TFEC: variants seen among roughly 807,000 people sequenced by gnomAD.
TFEC encodes the protein class E basic helix-loop-helix protein 34.
Under a neutral mutation model 41.6 loss-of-function variants are expected in TFEC, and 31 were observed. That is an observed-to-expected ratio of 0.74 (90% CI 0.56 to 1.01). TFEC has a LOEUF of 1.01. Ranked by LOEUF, TFEC falls within the 50% of genes least tolerant of loss-of-function variation. The probability of loss-of-function intolerance (pLI) is 0.00; values close to 1 mark genes in which losing one functional copy is unlikely to be tolerated. For missense variants in TFEC, 402 were observed against 404.1 expected (o/e 0.99, Z 0.04); for synonymous variants, 143 against 140.6 (o/e 1.02, Z -0.12).
intron 1 of TFEC, among the ~76,000 whole-genome samples, chr7:116,112,679 T>C (rs968798298): frequency 3.3e-5 from 5 of 151,766 alleles, no homozygotes; most frequent in African/African-American, 9.7e-5. Flanking sequence ...GATATATGTA[T>C]AGAAAAAAAG....
intron 1 of TFEC, among the ~76,000 whole-genome samples, chr7:116,001,318 C>T (rs1794585103): frequency 6.6e-6 from 1 of 151,872 alleles, no homozygotes; most frequent in Admixed American, 6.6e-5. Flanking sequence ...TGGATTGAGA[C>T]TTAAACCTAT....
chr7:115,956,708 C>T lies in TFEC; in HGVS notation c.353G>A (p.Ser118Asn). ...AATTTCTCTTTTCATTGGTAGACTA[C>T]TTGGACAAGAAGCACTTGTAAGCCC... ...NMGLTSASCP[S>N]SLPMKREITE... The change falls in exon 4 of 8, where the codon AGT becomes AAT. Residue 118 changes from serine to asparagine, a missense_variant. Transcript: ENST00000265440. The T allele has an allele frequency of 4.3e-6, 7 of 1,609,360 alleles. No homozygotes were observed. Among genetic ancestry groups the T allele is most frequent in the Non-Finnish European group, 5.9e-6 (7 of 1,177,428 alleles).
At chr7:116,142,231 A>C (rs1798554966) in intron 1 of TFEC, among the ~76,000 whole-genome samples, 1 of 152,218 alleles carries the variant, frequency 6.6e-6, no homozygotes, top group African/African-American at 2.4e-5. Context: ...ACTCCCAAAC[A>C]ATTAGATTTA....
intron 3 of TFEC, among the ~76,000 whole-genome samples, chr7:116,081,726 C>T (rs76925046): frequency 0.16 from 23,736 of 152,064 alleles, 2,016 homozygotes; most frequent in East Asian, 0.33. Flanking sequence ...AACCTGACTC[C>T]ACACAATGTA....
At position 115,984,198 on chromosome 7, in the gene TFEC, T is replaced by A. The variant is rs558914822; in HGVS notation, c.180+64A>T. The stretch of plus-strand genomic sequence containing the variant: ...GTTTACTGTAAAATGTTGACTTCAA[T>A]TACTTTAATAGAGGTTTTTTCAAAA... On this transcript the variant is annotated intron_variant, in intron 2 of 7. Coordinates refer to ENST00000265440, the MANE Select transcript of TFEC (RefSeq NM_012252.4). 9.6e-6 allele frequency: 15 copies of A among 1,558,430 alleles called. No individual in the cohort carries two copies. In the African/African-American group the frequency reaches 1.8e-4, roughly 18 times the overall value.
At chr7:116,068,170 GAAGC>G (rs1796738800) in intron 3 of TFEC, among the ~76,000 whole-genome samples, 1 of 151,862 alleles carries the variant, frequency 6.6e-6, no homozygotes, top group South Asian at 2.1e-4. Context: ...AAGCAAAGTT[GAAGC>G]AATATGTTTT....
At chr7:116,073,180 T>C (rs77347084) in intron 3 of TFEC, among the ~76,000 whole-genome samples, 8,494 of 151,442 alleles carry the variant, frequency 0.056, 340 homozygotes, top group African/African-American at 0.12. Context: ...CTAATAAATT[T>C]CCATAAGTAA....
At chr7:116,117,982 G>A (rs11976241) in intron 1 of TFEC, among the ~76,000 whole-genome samples, 91 of 151,826 alleles carry the variant, frequency 6.0e-4, no homozygotes, top group Non-Finnish European at 1.1e-3. Flanking sequence ...TCTCAGTTGA[G>A]GGAAAAAGAA....
rs1290416536 is a variant in TFEC at position 115,940,041 on chromosome 7, A to G, written c.*510T>C. The G allele has an allele frequency of 6.6e-6, 1 of 152,148 alleles. No homozygotes were observed. Among genetic ancestry groups the G allele is most frequent in the Non-Finnish European group, 1.5e-5 (1 of 68,060 alleles). 9.4% of individuals were successfully genotyped at this position (152,148 alleles called of 1,614,324 possible). A position where few individuals can be genotyped will look rare whatever the true frequency, so the allele number is the denominator to read the frequency against. Reference sequence around the variant, plus strand: ...ACAAGTGACAGATAATCTATTATACATTTATTTATCCTATAAAGTTTGAAC... The same window carrying G: ...ACAAGTGACAGATAATCTATTATACGTTTATTTATCCTATAAAGTTTGAAC... On this transcript the variant is annotated 3_prime_UTR_variant, in exon 8 of 8. Coordinates refer to ENST00000265440, the MANE Select transcript of TFEC (RefSeq NM_012252.4).
At chr7:116,048,771 A>C (rs1341554863) in intron 3 of TFEC, among the ~76,000 whole-genome samples, 1 of 152,232 alleles carries the variant, frequency 6.6e-6, no homozygotes, top group Non-Finnish European at 1.5e-5. Context: ...CATCAGACTA[A>C]CAGTGGATCT....
At chr7:115,968,937 T>G (rs1404828654) in intron 3 of TFEC, among the ~76,000 whole-genome samples, 1 of 151,916 alleles carries the variant, frequency 6.6e-6, no homozygotes, top group African/African-American at 2.4e-5. Context: ...TGAAATTAAA[T>G]GTAGTTTTTC....
intron 1 of TFEC, among the ~76,000 whole-genome samples, chr7:116,024,715 G>A (rs1046192350): frequency 7.9e-5 from 12 of 151,838 alleles, no homozygotes; most frequent in Admixed American, 7.2e-4. Flanking sequence ...CAGCATTCAG[G>A]GTCTCACTTT....
At position 115,940,060 on chromosome 7, in the gene TFEC, T is replaced by C. The variant is rs981989786; in HGVS notation, c.*491A>G. On this transcript the variant is annotated 3_prime_UTR_variant, in exon 8 of 8. Transcript: ENST00000265440. ...TTATACATTTATTTATCCTATAAAGTTTGAACTTTAGACATGTCTACTAGA... is the reference window on the plus strand; with the variant it reads ...TTATACATTTATTTATCCTATAAAGCTTGAACTTTAGACATGTCTACTAGA... 1 of 152,218 alleles carries C rather than the reference T, an allele frequency of 6.6e-6. No homozygotes were observed. Among genetic ancestry groups the C allele is most frequent in the Non-Finnish European group, 1.5e-5 (1 of 68,112 alleles). The allele number at this position is 152,218 out of a possible 1,614,324, so 9.4% of individuals were successfully genotyped here. A position where few individuals can be genotyped will look rare whatever the true frequency, so the allele number is the denominator to read the frequency against.
intron 1 of TFEC, among the ~76,000 whole-genome samples, chr7:116,115,775 G>C (rs1048096834): frequency 6.6e-6 from 1 of 152,014 alleles, no homozygotes; most frequent in African/African-American, 2.4e-5. Context: ...ATTATAGGGA[G>C]AGAATATAGT....
intron 1 of TFEC, chr7:116,159,660 GTAAGT>G (rs930417507): frequency 1.3e-5 from 2 of 152,194 alleles, no homozygotes; most frequent in Admixed American, 6.5e-5. Context: ...TTGAGCTAAT[GTAAGT>G]TAAAAGTTAA....
chr7:115,968,410 C>A, intron 3 of TFEC: 2 of 923,168 alleles, frequency 2.2e-6, no homozygotes, highest in Non-Finnish European at 3.0e-6. Flanking sequence ...TTTCAAGTTC[C>A]AACCAAGCAC....
chr7:115,975,377 C>G (rs1793334448), intron 2 of TFEC, among the ~76,000 whole-genome samples: 1 of 152,024 alleles, frequency 6.6e-6, no homozygotes, highest in African/African-American at 2.4e-5. Flanking sequence ...TATGCAGATA[C>G]AGTCAGGAGT....
intron 1 of TFEC, among the ~76,000 whole-genome samples, chr7:116,024,179 A>G (rs1795502570): frequency 6.6e-6 from 1 of 152,124 alleles, no homozygotes; most frequent in South Asian, 2.1e-4. Flanking sequence ...CAAATCTAAT[A>G]CAGTCAAAGG....
intron 3 of TFEC, among the ~76,000 whole-genome samples, chr7:115,972,818 T>C (rs780436927): frequency 2.0e-5 from 3 of 152,124 alleles, no homozygotes; most frequent in Admixed American, 1.3e-4. Flanking sequence ...ACAAAACAAG[T>C]AGATAATTTG....
Sources: allele counts gnomAD v4.1 joint callset (sites outside exome capture counted in the v4.1 genomes callset), GRCh38; gene constraint gnomAD v4.1.1; transcripts MANE v1.5; gene names NCBI Gene and HGNC (gene_info 2026-07-23, HGNC 2026-07-21).